The following MGAM variants were observed in gnomAD, a reference collection of about 807,000 sequenced individuals.
MGAM encodes maltase-glucoamylase, also known as alpha-1,4-glucosidase.
In MGAM, 253 loss-of-function variants were observed where a neutral mutation model predicts 358.8. The observed-to-expected ratio is 0.71, with a 90% CI of 0.64 to 0.78. The LOEUF is 0.78. MGAM is among the 30% of genes least tolerant of loss of function. MGAM has a pLI of 0.00. For synonymous variants in MGAM, 1,105 were observed against 1,227.1 expected, an observed-to-expected ratio of 0.90 and a Z score of 2.08; for missense variants, 3,080 against 3,432.6, an observed-to-expected ratio of 0.90 and a Z score of 2.57.
rs533260845 is a variant in MGAM at position 142,054,775 on chromosome 7, C to T, written c.3181C>T (p.Arg1061Trp). ...QFKIYDPNKN[R>W]YEVPVPLNIP... ...CTAGATTTATGATCCCAACAAGAATCGGTATGAAGTTCCAGTCCCTCTGAA... is the reference window on the plus strand; with the variant it reads ...CTAGATTTATGATCCCAACAAGAATTGGTATGAAGTTCCAGTCCCTCTGAA... Residue 1061 changes from arginine (R) to tryptophan (W), a missense_variant, in exon 27 of 71, where the codon CGG becomes TGG. Arg to Trp is a moderately radical substitution (Grantham distance 101, BLOSUM62 -3). This residue lies in a region of MGAM where 1,816 missense variants were observed against 1,840.5 expected (regional missense o/e 0.99). Coordinates refer to ENST00000475668, the MANE Select transcript of MGAM (RefSeq NM_001365693.1). 3.8e-5 allele frequency: 61 copies of T among 1,613,696 alleles called. No homozygotes were observed. The highest frequency in any genetic ancestry group is 4.6e-5 in the Non-Finnish European group (54 of 1,179,800).
At chr7:142,104,087 T>C (rs1432262067) in intron 70 of MGAM, among the ~76,000 whole-genome samples, 2 of 152,088 alleles carry the variant, frequency 1.3e-5, no homozygotes, top group Non-Finnish European at 2.9e-5. Flanking sequence ...CTCCTGACCC[T>C]GTGATCCGCC....
At position 142,022,364 on chromosome 7, in the gene MGAM, T is replaced by C. The variant is rs782801521; in HGVS notation, c.807T>C (p.His269=). The change falls in exon 7 of 71, where the codon CAT becomes CAC. Residue 269 remains histidine (H), a synonymous_variant. Transcript: ENST00000475668. ...PSTNVYGLGE[H]VHQQYRHDMN... is the part of the protein sequence containing the mutation. ...CTAACGTGTATGGCCTGGGAGAGCATGTGCACCAGCAGTATCGGCATGATA... is the reference window on the plus strand; with the variant it reads ...CTAACGTGTATGGCCTGGGAGAGCACGTGCACCAGCAGTATCGGCATGATA... 8 of 1,613,708 alleles carry C rather than the reference T, an allele frequency of 5.0e-6. No homozygotes were observed. Among genetic ancestry groups the C allele is most frequent in the Middle Eastern group, 1.7e-4 (1 of 6,058 alleles).
Position 142,094,829 on chromosome 7 carries a change from C to T in MGAM, c.7424C>T (p.Pro2475Leu), listed in dbSNP as rs1220493332. The T allele has an allele frequency of 6.2e-7, 1 of 1,613,954 alleles. No individual in the cohort carries two copies. The highest frequency in any genetic ancestry group is 2.2e-5 in the East Asian group (1 of 44,874). The change falls in exon 63 of 71, where the codon CCC (proline) becomes CTC (leucine). Residue 2475 changes from proline (P) to leucine (L), a missense_variant. Pro to Leu is a moderately conservative substitution (Grantham distance 98). Transcript: ENST00000475668. ...VRWMQLGAFY[P>L]FSRNHNTIGT... ...TGGATGCAGCTGGGGGCCTTTTACC[C>T]CTTCTCAAGAAACCACAACACCATT...
chr7:142,045,569 A>ATT (rs1368037318), intron 21 of MGAM, among the ~76,000 whole-genome samples: 15 of 24 alleles, frequency 0.62, 5 homozygotes, highest in Non-Finnish European at 0.67. Context: ...TGAATATATA[A>ATT]TATATATTAT....
chr7:141,987,005 T>C (rs1261277777), intron 2 of MGAM, among the ~76,000 whole-genome samples: 2 of 152,150 alleles, frequency 1.3e-5, no homozygotes, highest in African/African-American at 4.8e-5. Flanking sequence ...GGGTAGACTA[T>C]GATTAGACAT....
chr7:142,060,284 C>A (rs371112047), intron 33 of MGAM, 27 bp from the exon 34 acceptor site: 1 of 1,610,326 alleles, frequency 6.2e-7, no homozygotes, highest in African/African-American at 1.3e-5. Flanking sequence ...TCTAGTGCAT[C>A]GCTACTGAAC....
In MGAM at chr7:142,008,378, G is replaced by A. The variant is rs576475824; in HGVS notation, c.128-128G>A. On this transcript the variant is annotated intron_variant, in intron 2 of 70. Transcript: ENST00000475668. Reference sequence around the variant, plus strand: ...CAAAGTGACATTTTATAAAGTGAATGCATAAATTTTGAGGTCATCAGAGTG... The same window carrying A: ...CAAAGTGACATTTTATAAAGTGAATACATAAATTTTGAGGTCATCAGAGTG... 27 of 922,990 alleles carry A rather than the reference G, an allele frequency of 2.9e-5. No homozygotes were observed. The African/African-American group carries it at 4.4e-4, about 15-fold the overall frequency. The allele number at this position is 922,990 out of a possible 1,614,324, so 57.2% of individuals were successfully genotyped here. A position where few individuals can be genotyped will look rare whatever the true frequency, so the allele number is the denominator to read the frequency against.
Position 142,030,651 on chromosome 7 carries a change from T to C in MGAM, c.1364T>C (p.Ile455Thr), listed in dbSNP as rs1421859270. Reference protein sequence around the residue: ...QKLVIIVDPAISNNSSSSKPY... With the variant: ...QKLVIIVDPATSNNSSSSKPY... Reference sequence around the variant, plus strand: ...TCTTCCTATTTTTAGGATCCAGCCATCTCCAACAACTCTTCCTCAAGTAAA... The same window carrying C: ...TCTTCCTATTTTTAGGATCCAGCCACCTCCAACAACTCTTCCTCAAGTAAA... Residue 455 changes from isoleucine to threonine, a missense_variant, in exon 12 of 71, where the codon ATC becomes ACC. Ile to Thr is a moderately conservative substitution (Grantham distance 89, BLOSUM62 -1). Coordinates refer to ENST00000475668, the MANE Select transcript of MGAM (RefSeq NM_001365693.1). 1 of 1,612,060 alleles carries C rather than the reference T, an allele frequency of 6.2e-7. No individual in the cohort carries two copies. Among genetic ancestry groups the C allele is most frequent in the East Asian group, 2.2e-5 (1 of 44,854 alleles).
In MGAM at chr7:142,100,837, A is replaced by G. The variant is rs1165508895; in HGVS notation, c.7910A>G (p.Asp2637Gly). The G allele has an allele frequency of 6.2e-7, 1 of 1,613,074 alleles. No homozygotes were observed. The highest frequency in any genetic ancestry group is 1.3e-5 in the African/African-American group (1 of 74,902). The change falls in exon 68 of 71, where the codon GAT (aspartate) becomes GGT (glycine). Residue 2637 changes from aspartate (D) to glycine (G), a missense_variant. Physicochemically the swap from Asp to Gly is moderately conservative, Grantham distance 94 (BLOSUM62 -1). Coordinates refer to ENST00000475668, the MANE Select transcript of MGAM (RefSeq NM_001365693.1). ...QKFMGFKIAL[D>G]DEGTAGGWLF... ...TTCATGGGCTTCAAAATTGCCTTGG[A>G]TGATGAAGGAACTGCTGGGGGCTGG...
In MGAM at chr7:142,091,751, A is replaced by G. The variant is rs1311960576; in HGVS notation, c.6811-162A>G. Among the ~76,000 whole-genome samples, 2 of 146,516 alleles carry G rather than the reference A, an allele frequency of 1.4e-5. 1 individual carries two copies. Among genetic ancestry groups the G allele is most frequent in the African/African-American group, 4.9e-5 (2 of 41,128 alleles). On this transcript the variant is annotated intron_variant, in intron 57 of 70. Coordinates refer to ENST00000475668, the MANE Select transcript of MGAM (RefSeq NM_001365693.1). ...GCAAATTGCACTAATTTCTCCTCTCATTCTACATTTCTCTAATAAGTTAAT... is the reference window on the plus strand; with the variant it reads ...GCAAATTGCACTAATTTCTCCTCTCGTTCTACATTTCTCTAATAAGTTAAT...
upstream of MGAM, among the ~76,000 whole-genome samples, chr7:141,992,273 A>AG (rs1308394329): frequency 2.6e-5 from 4 of 152,170 alleles, no homozygotes; most frequent in African/African-American, 9.7e-5. Context: ...AGAATCAGAG[A>AG]CTTAGTTGCT....
chr7:142,017,506 T>C (rs1478699138), intron 3 of MGAM, among the ~76,000 whole-genome samples: 1 of 152,220 alleles, frequency 6.6e-6, no homozygotes, highest in Non-Finnish European at 1.5e-5. Flanking sequence ...TTGCATTCCT[T>C]GCTCTTTTGG....
In MGAM at chr7:142,056,873, AG is replaced by A; in HGVS notation, c.3629del (p.Gly1210GlufsTer23). ...TGCCTGCCTTGACATACCGCACCAC[AG>A]GGGGAGTTCTGGACTTTTATGTGTT... ...PLPALTYRTT[G>X]GVLDFYVFLG... On this transcript the variant is annotated frameshift_variant, in exon 30 of 71. Coordinates refer to ENST00000475668, the MANE Select transcript of MGAM (RefSeq NM_001365693.1). LOFTEE classifies it high-confidence loss of function. The A allele has an allele frequency of 6.2e-7, 1 of 1,613,842 alleles. No individual in the cohort carries two copies. Among genetic ancestry groups the A allele is most frequent in the Non-Finnish European group, 8.5e-7 (1 of 1,179,834 alleles).
intron 27 of MGAM, 99 bp from the exon 28 acceptor site, chr7:142,055,459 T>G (rs778128262): frequency 2.3e-5 from 33 of 1,439,768 alleles, no homozygotes; most frequent in Middle Eastern, 3.9e-4. Flanking sequence ...AACAGCTTCT[T>G]GGTAGGAATC....
Position 142,086,282 on chromosome 7 carries a change from A to C in MGAM, c.6701A>C (p.Asp2234Ala). 6.5e-7 allele frequency: 1 copy of C among 1,543,476 alleles called. No individual in the cohort carries two copies. Among genetic ancestry groups the C allele is most frequent in the Non-Finnish European group, 8.9e-7 (1 of 1,125,458 alleles). Residue 2234 changes from aspartate (D) to alanine (A), a missense_variant, in exon 56 of 71, where the codon GAC becomes GCC. Around this residue, in one of 5 missense-constraint regions of MGAM, gnomAD observed 932 missense variants for 1,198.2 expected, o/e 0.78. Coordinates refer to ENST00000475668, the MANE Select transcript of MGAM (RefSeq NM_001365693.1). Reference sequence around the variant, plus strand: ...GCCTTCACTCGGGGCGTGGAGGATGACGTCTTCATCAAGTACCCAAATGAT... The same window carrying C: ...GCCTTCACTCGGGGCGTGGAGGATGCCGTCTTCATCAAGTACCCAAATGAT... ...YPAFTRGVED[D>A]VFIKYPNDGD...
At chr7:141,991,287 C>T (rs1803937935), upstream of MGAM, among the ~76,000 whole-genome samples, 1 of 152,106 alleles carries the variant, frequency 6.6e-6, no homozygotes, top group Admixed American at 6.5e-5. Flanking sequence ...CACATAATGA[C>T]TGTATATTGA....
intron 2 of MGAM, among the ~76,000 whole-genome samples, chr7:141,989,925 A>G (rs1803871666): frequency 6.6e-6 from 1 of 152,228 alleles, no homozygotes; most frequent in Non-Finnish European, 1.5e-5. Context: ...ATTATTTTCT[A>G]CAAGGATTTT....
intron 21 of MGAM, among the ~76,000 whole-genome samples, chr7:142,046,246 C>A (rs1174783781): frequency 1.3e-5 from 2 of 149,970 alleles, no homozygotes; most frequent in Non-Finnish European, 3.0e-5. Context: ...CAGTTGTATA[C>A]TCTGTGCTTG....
chr7:142,088,996 G>GTATGTATGTATATATCTATCTATCTATC (rs771119657), intron 57 of MGAM, among the ~76,000 whole-genome samples: 9 of 118,046 alleles, frequency 7.6e-5, no homozygotes, highest in African/African-American at 2.6e-4. Context: ...ATGTATGTAT[G>GTATGTATGTATATATCTATCTATCTATC]TATCTATCTA....
Sources: allele counts gnomAD v4.1 joint callset (sites outside exome capture counted in the v4.1 genomes callset), GRCh38; gene constraint gnomAD v4.1.1; regional missense constraint gnomAD v4.1.1; transcripts MANE v1.5; gene names NCBI Gene and HGNC (gene_info 2026-07-23, HGNC 2026-07-21).